Variants in THTPA observed in about 807,000 individuals in gnomAD.
THTPA encodes the protein thiamine triphosphatase, also known as thiamine-triphosphatase.
A neutral mutation model predicts 16.5 loss-of-function variants in THTPA; 16 were observed. The observed-to-expected ratio is 0.97, with a 90% CI of 0.66 to 1.47. The LOEUF (loss-of-function observed/expected upper bound fraction) is 1.47. Ranked by LOEUF, THTPA falls within the 40% of genes most tolerant of loss-of-function variation. The probability of loss-of-function intolerance (pLI) is 0.00; values close to 1 mark genes in which losing one functional copy is unlikely to be tolerated. For missense variants in THTPA, 281 were observed against 280.9 expected (o/e 1.00, Z 0.00); for synonymous variants, 110 against 115.5 (o/e 0.95, Z 0.30).
At position 23,560,229 on chromosome 14, in the gene THTPA, A is replaced by T. The variant is rs111546494; in HGVS notation, c.*1389A>T. On this transcript the variant is annotated 3_prime_UTR_variant, in exon 2 of 2. Coordinates refer to ENST00000288014, the MANE Select transcript of THTPA (RefSeq NM_024328.6). ...CCTTTTCTCCTGGAGTCCCCAGGCC[A>T]CCTCTGAACTCTGATCTTTACAAAC... The T allele has an allele frequency of 1.2e-5, 19 of 1,610,718 alleles. No homozygotes were observed. The African/African-American group carries it at 1.3e-4, about 11-fold the overall frequency.
At chr14:23,536,026 C>T in the THTPA span, among the ~76,000 whole-genome samples, 2 of 152,224 alleles carry the variant, frequency 1.3e-5, no homozygotes, top group Non-Finnish European at 2.9e-5. Flanking sequence ...GACATATCCA[C>T]TTCAACAGCA....
chr14:23,524,015 C>T, the THTPA span: 6 of 1,517,706 alleles, frequency 4.0e-6, no homozygotes, highest in African/African-American at 4.1e-5. The surrounding 1 kb of genome is among the most constrained non-coding windows in gnomAD (Gnocchi z 5.6). Context: ...AGGCTGGGGC[C>T]CAGAAGCAAG....
chr14:23,522,419 A>G, the THTPA span: 1 of 1,536,392 alleles, frequency 6.5e-7, no homozygotes, highest in African/African-American at 1.4e-5. Flanking sequence ...TGGAGCAGGC[A>G]GTTCAGGAGG....
Position 23,556,580 on chromosome 14 carries a change from A to T in THTPA, c.-178A>T. ...CTTAAAATATCACCGACGGGGCCTT[A>T]ATGTCACCGAGGTAGAGAGAAAAGG... On this transcript the variant is annotated 5_prime_UTR_variant, in exon 1 of 2. Transcript: ENST00000288014. 1 of 658,124 alleles carries T rather than the reference A, an allele frequency of 1.5e-6. No homozygotes were observed. The highest frequency in any genetic ancestry group is 2.5e-6 in the Non-Finnish European group (1 of 393,274). 40.8% of individuals were successfully genotyped at this position (658,124 alleles called of 1,614,324 possible). A position where few individuals can be genotyped will look rare whatever the true frequency, so the allele number is the denominator to read the frequency against.
At chr14:23,512,607 C>T in the THTPA span, among the ~76,000 whole-genome samples, 1 of 151,016 alleles carries the variant, frequency 6.6e-6, no homozygotes, top group African/African-American at 2.4e-5. Flanking sequence ...GGGGTCCCCT[C>T]CCTCTGCCTG....
chr14:23,552,783 T>A (rs1261030383), upstream of THTPA, among the ~76,000 whole-genome samples: 1 of 151,806 alleles, frequency 6.6e-6, no homozygotes, highest in Non-Finnish European at 1.5e-5. Context: ...GTATTTTTAG[T>A]AGAGACGGGG....
chr14:23,525,962 G>T, the THTPA span: 4 of 1,502,804 alleles, frequency 2.7e-6, no homozygotes, highest in Non-Finnish European at 3.5e-6. The surrounding 1 kb of genome is among the most constrained non-coding windows in gnomAD (Gnocchi z 5.9). Flanking sequence ...CAAGGGAGGT[G>T]GGGGAGGGGA....
chr14:23,527,703 T>C, the THTPA span: 1 of 1,536,170 alleles, frequency 6.5e-7, no homozygotes. Flanking sequence ...CCTGGCACAG[T>C]GGGCATCTGT....
At chr14:23,553,738 C>G (rs1882140741), upstream of THTPA, among the ~76,000 whole-genome samples, 1 of 146,590 alleles carries the variant, frequency 6.8e-6, no homozygotes, top group Non-Finnish European at 1.5e-5. Flanking sequence ...ACTAAAATTA[C>G]AAAAAATTAG....
the THTPA span, chr14:23,538,208 G>A: frequency 6.6e-6 from 1 of 152,166 alleles, no homozygotes; most frequent in Non-Finnish European, 1.5e-5. Flanking sequence ...AGGGTAGGTT[G>A]GCAGCTATTT....
upstream of THTPA, among the ~76,000 whole-genome samples, chr14:23,555,184 CG>C (rs372914214): frequency 4.6e-5 from 7 of 151,844 alleles, no homozygotes; most frequent in Middle Eastern, 3.4e-3. Context: ...GACGGCGGGC[CG>C]GGGGGGTTTC....
At chr14:23,546,129 G>A in the THTPA span, among the ~76,000 whole-genome samples, 1 of 152,160 alleles carries the variant, frequency 6.6e-6, no homozygotes, top group African/African-American at 2.4e-5. The surrounding 1 kb of genome is among the most constrained non-coding windows in gnomAD (Gnocchi z 4.7). Context: ...GCACATCAAC[G>A]TGCTCCACAG....
the THTPA span, chr14:23,534,608 G>A: frequency 1.3e-6 from 2 of 1,536,158 alleles, no homozygotes; most frequent in South Asian, 2.4e-5. The surrounding 1 kb of genome is among the most constrained non-coding windows in gnomAD (Gnocchi z 4.5). Context: ...CGGCACAGAA[G>A]GCAGAGCCAG....
chr14:23,523,568 A>G, the THTPA span: 1 of 1,540,768 alleles, frequency 6.5e-7, no homozygotes, highest in Non-Finnish European at 8.7e-7. The surrounding 1 kb of genome is among the most constrained non-coding windows in gnomAD (Gnocchi z 4.1). Flanking sequence ...TGTCCCCTGT[A>G]GTTTGGCCTT....
chr14:23,530,231 G>T, the THTPA span: 1 of 1,446,628 alleles, frequency 6.9e-7, no homozygotes, highest in Non-Finnish European at 9.4e-7. Flanking sequence ...TTAAAGAGGT[G>T]TGGCATCAGG....
At chr14:23,525,763 G>A in the THTPA span, 1 of 1,504,866 alleles carries the variant, frequency 6.6e-7, no homozygotes, top group Non-Finnish European at 8.8e-7. The surrounding 1 kb of genome is among the most constrained non-coding windows in gnomAD (Gnocchi z 5.9). Context: ...GAGGAGGAGG[G>A]GTGGCAGCTG....
At chr14:23,529,998 AG>A in the THTPA span, 4 of 1,106,182 alleles carry the variant, frequency 3.6e-6, no homozygotes, top group East Asian at 1.0e-4. Context: ...CCCCCTGATG[AG>A]CCCTTTCTTT....
At chr14:23,529,842 G>T in the THTPA span, 1 of 1,441,338 alleles carries the variant, frequency 6.9e-7, no homozygotes, top group Non-Finnish European at 9.4e-7. Context: ...AGCTTCCAGG[G>T]TAGGGAGTTG....
the THTPA span, among the ~76,000 whole-genome samples, chr14:23,550,947 ACACT>A: frequency 1.3e-5 from 2 of 149,984 alleles, no homozygotes; most frequent in African/African-American, 4.9e-5. Flanking sequence ...CTGAGCCCTC[ACACT>A]CACCGGGCCT....
Sources: allele counts gnomAD v4.1 joint callset (sites outside exome capture counted in the v4.1 genomes callset), GRCh38; gene constraint gnomAD v4.1.1; non-coding constraint Gnocchi (gnomAD v3.1); transcripts MANE v1.5; gene names NCBI Gene and HGNC (gene_info 2026-07-23, HGNC 2026-07-21).